The following FAM227B variants were observed in gnomAD, a reference collection of about 807,000 sequenced individuals.
FAM227B encodes family with sequence similarity 227 member B, also known as protein FAM227B.
In FAM227B, 88 loss-of-function variants were observed where a neutral mutation model predicts 73.8. The observed-to-expected ratio is 1.19, with a 90% CI of 1.00 to 1.42. The LOEUF is 1.42. Ranked by LOEUF, FAM227B falls within the 40% of genes most tolerant of loss-of-function variation. The pLI, the probability that FAM227B is intolerant of heterozygous loss-of-function variation, is 0.00. For missense variants in FAM227B, 632 were observed against 590.9 expected (o/e 1.07, Z -0.72); for synonymous variants, 210 against 190.5 (o/e 1.10, Z -0.84).
intron 11 of FAM227B, among the ~76,000 whole-genome samples, chr15:49,479,999 T>C (rs2055777932): frequency 6.6e-6 from 1 of 152,222 alleles, no homozygotes; most frequent in African/African-American, 2.4e-5. Flanking sequence ...GTGATAATGT[T>C]AATTTCTTTA....
intron 11 of FAM227B, among the ~76,000 whole-genome samples, chr15:49,501,929 T>G (rs1262546362): frequency 6.6e-6 from 1 of 152,168 alleles, no homozygotes; most frequent in Non-Finnish European, 1.5e-5. Flanking sequence ...AGCTGGGGCT[T>G]TAAAAGGTCC....
At chr15:49,355,146 A>T (rs527346406) in intron 13 of FAM227B, among the ~76,000 whole-genome samples, 15 of 152,042 alleles carry the variant, frequency 9.9e-5, no homozygotes, top group African/African-American at 3.4e-4. Context: ...GGGAAAAAAC[A>T]GAACAGAAAA....
At chr15:49,589,746 C>T in intron 4 of FAM227B, 30 bp downstream of exon 4, 1 of 1,358,636 alleles carries the variant, frequency 7.4e-7, no homozygotes, top group Admixed American at 1.9e-5. Flanking sequence ...GACTCCATTT[C>T]TATAAAAGAT....
intron 11 of FAM227B, among the ~76,000 whole-genome samples, chr15:49,430,713 C>A (rs2050532939): frequency 6.6e-6 from 1 of 151,698 alleles, no homozygotes; most frequent in Admixed American, 6.6e-5. Context: ...GGGCTGAAAT[C>A]ATTTTTTCTA....
chr15:49,489,727 C>A (rs987397168), intron 11 of FAM227B, among the ~76,000 whole-genome samples: 5 of 143,992 alleles, frequency 3.5e-5, no homozygotes, highest in Non-Finnish European at 6.1e-5. Context: ...ATGGTAGGTA[C>A]ACACTGGTAT....
At chr15:49,411,662 CTTTAAT>C (rs749905588) in intron 11 of FAM227B, among the ~76,000 whole-genome samples, 9 of 151,974 alleles carry the variant, frequency 5.9e-5, no homozygotes, top group Non-Finnish European at 1.2e-4. Flanking sequence ...GAATTATCCC[CTTTAAT>C]TTTATTTATT....
chr15:49,516,044 G>C (rs145209360), intron 10 of FAM227B, among the ~76,000 whole-genome samples: 1 of 152,090 alleles, frequency 6.6e-6, no homozygotes, highest in Non-Finnish European at 1.5e-5. Flanking sequence ...CTCACAAGTA[G>C]AGGGTTTTTT....
chr15:49,393,365 C>A (rs972053382), intron 11 of FAM227B, among the ~76,000 whole-genome samples: 1 of 152,116 alleles, frequency 6.6e-6, no homozygotes, highest in African/African-American at 2.4e-5. Context: ...GTCTTAATGA[C>A]GTAGTGTCAG....
At chr15:49,451,064 C>G (rs2052683651) in intron 11 of FAM227B, among the ~76,000 whole-genome samples, 1 of 151,820 alleles carries the variant, frequency 6.6e-6, no homozygotes, top group South Asian at 2.1e-4. Flanking sequence ...TTAATTCAAT[C>G]AAAATTTTAA....
At chr15:49,475,961 T>C (rs542169629) in intron 11 of FAM227B, among the ~76,000 whole-genome samples, 5 of 152,306 alleles carry the variant, frequency 3.3e-5, no homozygotes, top group Admixed American at 3.3e-4. Flanking sequence ...TTTTCCACCC[T>C]CTCACTATTT....
At chr15:49,528,750 G>A (rs2060392560) in intron 10 of FAM227B, among the ~76,000 whole-genome samples, 1 of 151,820 alleles carries the variant, frequency 6.6e-6, no homozygotes, top group African/African-American at 2.4e-5. Context: ...CTGATTATCA[G>A]AGAAGCACAT....
At chr15:49,615,779 C>A (rs2078251021) in intron 1 of FAM227B, among the ~76,000 whole-genome samples, 1 of 152,146 alleles carries the variant, frequency 6.6e-6, no homozygotes, top group Admixed American at 6.5e-5. Context: ...GCTCATGAAG[C>A]TGGAGGTTCT....
At chr15:49,582,072 CAA>C (rs1271787271) in intron 5 of FAM227B, among the ~76,000 whole-genome samples, 1 of 152,176 alleles carries the variant, frequency 6.6e-6, no homozygotes, top group African/African-American at 2.4e-5. Context: ...ACCACATAAA[CAA>C]ATCTTCATAA....
intron 2 of FAM227B, 38 bp downstream of exon 2, chr15:49,615,083 C>G: frequency 6.3e-7 from 1 of 1,585,980 alleles, no homozygotes; most frequent in Non-Finnish European, 8.7e-7. Context: ...GAAATATAAC[C>G]TTTGTAAGTG....
intron 10 of FAM227B, among the ~76,000 whole-genome samples, chr15:49,523,292 TGAATCATGATG>T (rs2059918649): frequency 6.6e-6 from 1 of 152,156 alleles, no homozygotes; most frequent in Non-Finnish European, 1.5e-5. Flanking sequence ...GGGAAGTAAT[TGAATCATGATG>T]GTAGGTTTTT....
intron 9 of FAM227B, among the ~76,000 whole-genome samples, chr15:49,551,446 T>G (rs1387635848): frequency 1.3e-5 from 2 of 152,248 alleles, no homozygotes; most frequent in African/African-American, 4.8e-5. Flanking sequence ...TCCATTGGCA[T>G]AGAATACTTT....
chr15:49,541,995 T>G (rs1468775810), intron 9 of FAM227B, among the ~76,000 whole-genome samples, 189 bp from the exon 10 acceptor site: 1 of 152,158 alleles, frequency 6.6e-6, no homozygotes, highest in Non-Finnish European at 1.5e-5. Context: ...AAAGCTAAAT[T>G]TGAACTGGAA....
chr15:49,497,763 T>TA (rs1182880148), intron 11 of FAM227B, among the ~76,000 whole-genome samples: 3 of 152,218 alleles, frequency 2.0e-5, no homozygotes, highest in African/African-American at 7.2e-5. Context: ...AATTCCACCA[T>TA]CAAAAACAGC....
At chr15:49,496,500 C>T (rs1019971478) in intron 11 of FAM227B, among the ~76,000 whole-genome samples, 1 of 152,138 alleles carries the variant, frequency 6.6e-6, no homozygotes, top group African/African-American at 2.4e-5. Context: ...TAACAATACA[C>T]TGCTTAAGAG....
Sources: allele counts gnomAD v4.1 joint callset (sites outside exome capture counted in the v4.1 genomes callset), GRCh38; gene constraint gnomAD v4.1.1; transcripts MANE v1.5; gene names NCBI Gene and HGNC (gene_info 2026-07-23, HGNC 2026-07-21).